IDNK: variants seen among roughly 807,000 people sequenced by gnomAD.
IDNK encodes the protein IDNK gluconokinase.
Under a neutral mutation model 13.0 loss-of-function variants are expected in IDNK, and 9 were observed. The ratio of observed to expected loss-of-function variants is 0.69; its 90% CI spans 0.42 to 1.21. The LOEUF is 1.21. Ranked by LOEUF, IDNK falls within the 50% of genes most tolerant of loss-of-function variation. The pLI, the probability that IDNK is intolerant of heterozygous loss-of-function variation, is 0.00. For synonymous variants in IDNK, 92 were observed against 94.9 expected, an observed-to-expected ratio of 0.97 and a Z score of 0.18; for missense variants, 210 against 237.8, an observed-to-expected ratio of 0.88 and a Z score of 0.77.
rs570003178 is a variant in IDNK, at chr9:83,628,975, T to C, written c.168+16T>C. 6.2e-7 allele frequency: 1 copy of C among 1,600,516 alleles called. No individual in the cohort carries two copies. Among genetic ancestry groups the C allele is most frequent in the South Asian group, 1.1e-5 (1 of 90,832 alleles). ...CAATGACCAGGTAACAATTGCTGTC[T>C]GTGTCCATCACACATATTCCACCTG... On this transcript the variant is annotated intron_variant, in intron 3 of 4. Transcript: ENST00000376419.
At chr9:83,623,759 C>T (rs765816340) in intron 1 of IDNK, among the ~76,000 whole-genome samples, 1 of 152,134 alleles carries the variant, frequency 6.6e-6, no homozygotes, top group Non-Finnish European at 1.5e-5. Context: ...AAGGAGACAG[C>T]GTTAATATGG....
intron 3 of IDNK, among the ~76,000 whole-genome samples, 158 bp downstream of exon 3, chr9:83,629,117 C>G (rs7866346): frequency 0.029 from 4,397 of 152,286 alleles, 221 homozygotes; most frequent in African/African-American, 0.099. Flanking sequence ...TATGTTAGCT[C>G]CAGTCCTGAA....
intron 3 of IDNK, among the ~76,000 whole-genome samples, chr9:83,631,504 C>A (rs1295397074): frequency 1.4e-5 from 2 of 147,962 alleles, no homozygotes; most frequent in Non-Finnish European, 3.0e-5. Flanking sequence ...CCCAGCTACT[C>A]GGGAGGCTAA....
chr9:83,640,753 G>A (rs1831281820), intron 3 of IDNK, among the ~76,000 whole-genome samples: 1 of 152,220 alleles, frequency 6.6e-6, no homozygotes, highest in Non-Finnish European at 1.5e-5. Flanking sequence ...GCTGAGGCAG[G>A]AGAATCGCTT....
intron 1 of IDNK, 167 bp from the exon 2 acceptor site, chr9:83,628,014 C>T: frequency 7.0e-7 from 1 of 1,433,712 alleles, no homozygotes; most frequent in Non-Finnish European, 9.2e-7. Context: ...CAGCTAAGGC[C>T]AGTCTCCAGA....
At chr9:83,629,369 C>G (rs924095786) in intron 3 of IDNK, among the ~76,000 whole-genome samples, 1 of 152,188 alleles carries the variant, frequency 6.6e-6, no homozygotes. Context: ...GAACTCAAAG[C>G]TGGCCATGTT....
chr9:83,623,444 G>C, intron 1 of IDNK: 2 of 537,580 alleles, frequency 3.7e-6, no homozygotes, highest in South Asian at 2.1e-5. Flanking sequence ...CCGGGTTCCC[G>C]CTCTAAGACG....
intron 3 of IDNK, among the ~76,000 whole-genome samples, chr9:83,630,961 C>G (rs1464224111): frequency 6.6e-6 from 1 of 152,002 alleles, no homozygotes; most frequent in Non-Finnish European, 1.5e-5. Flanking sequence ...ATAACCAAAA[C>G]AGAGAGATAA....
In IDNK at chr9:83,639,906, A is replaced by G. The variant is rs187726468; in HGVS notation, c.169-1642A>G. On this transcript the variant is annotated intron_variant, in intron 3 of 4. Transcript: ENST00000376419. Reference sequence around the variant, plus strand: ...ACAGCAAGTGTAACCTACAGATACGAACTGTGTTCAAGGTTCTGGAGGCCT... The same window carrying G: ...ACAGCAAGTGTAACCTACAGATACGGACTGTGTTCAAGGTTCTGGAGGCCT... Among the ~76,000 whole-genome samples, 641 of 152,354 alleles carry G rather than the reference A, an allele frequency of 4.2e-3. 1 individual carries two copies. The highest frequency in any genetic ancestry group is 6.1e-3 in the Admixed American group (93 of 15,304).
intron 1 of IDNK, among the ~76,000 whole-genome samples, chr9:83,627,798 C>T (rs1053336475): frequency 1.3e-5 from 2 of 148,658 alleles, no homozygotes; most frequent in South Asian, 2.1e-4. Context: ...CATCAGACCC[C>T]TCCATTCAAT....
intron 3 of IDNK, among the ~76,000 whole-genome samples, chr9:83,636,800 T>C (rs1464962085): frequency 1.3e-5 from 2 of 152,224 alleles, no homozygotes; most frequent in African/African-American, 4.8e-5. Context: ...TGAGTAAGGA[T>C]ACAGAAGATT....
chr9:83,631,293 A>G (rs1016708504), intron 3 of IDNK, among the ~76,000 whole-genome samples: 1 of 151,962 alleles, frequency 6.6e-6, no homozygotes, highest in African/African-American at 2.4e-5. Flanking sequence ...CAGTCTGTGT[A>G]GAACATGTTA....
Position 83,643,874 on chromosome 9 carries a change from T to C in IDNK, c.*94T>C, listed in dbSNP as rs553963908. 4 of 877,346 alleles carry C rather than the reference T, an allele frequency of 4.6e-6. No individual in the cohort carries two copies. Among genetic ancestry groups the C allele is most frequent in the Admixed American group, 2.8e-5 (1 of 36,136 alleles). The allele number at this position is 877,346 out of a possible 1,614,324, so 54.3% of individuals were successfully genotyped here. A position where few individuals can be genotyped will look rare whatever the true frequency, so the allele number is the denominator to read the frequency against. On this transcript the variant is annotated 3_prime_UTR_variant, in exon 5 of 5. Coordinates refer to ENST00000376419, the MANE Select transcript of IDNK (RefSeq NM_001001551.4). ...CAGCCGCCTTGCCCATACTAGATTC[T>C]AAATGTTTCTAAAGGCAAACCCCAA...
intron 4 of IDNK, 128 bp downstream of exon 4, chr9:83,641,719 C>T: frequency 1.1e-6 from 1 of 951,718 alleles, no homozygotes; most frequent in Non-Finnish European, 1.6e-6. Context: ...TAGAAACTGG[C>T]TGCACTTCTA....
intron 3 of IDNK, among the ~76,000 whole-genome samples, chr9:83,640,806 T>C (rs767552135): frequency 6.6e-6 from 1 of 152,166 alleles, no homozygotes; most frequent in Non-Finnish European, 1.5e-5. Flanking sequence ...GATCGTGCCA[T>C]TGCACTCCAG....
chr9:83,623,332 C>G (rs1417905312), intron 1 of IDNK, 111 bp downstream of exon 1: 1 of 1,021,208 alleles, frequency 9.8e-7, no homozygotes, highest in Non-Finnish European at 1.4e-6. Context: ...ACCCCCCACC[C>G]TTCCCTTTGC....
At chr9:83,638,781 A>G (rs1831226213) in intron 3 of IDNK, among the ~76,000 whole-genome samples, 1 of 152,220 alleles carries the variant, frequency 6.6e-6, no homozygotes, top group East Asian at 1.9e-4. Context: ...TTCTTCACCA[A>G]CTAAAAAAAT....
intron 1 of IDNK, among the ~76,000 whole-genome samples, chr9:83,626,070 T>C (rs892973855): frequency 3.9e-5 from 6 of 152,354 alleles, no homozygotes; most frequent in African/African-American, 1.2e-4. Flanking sequence ...TTTGAATATC[T>C]TTCTCATTGA....
upstream of IDNK, chr9:83,623,048 A>C: frequency 1.6e-6 from 1 of 614,958 alleles, no homozygotes; most frequent in Non-Finnish European, 2.5e-6. Flanking sequence ...GAAAACGGGG[A>C]GGGCGCAGAG....
Sources: allele counts gnomAD v4.1 joint callset (sites outside exome capture counted in the v4.1 genomes callset), GRCh38; gene constraint gnomAD v4.1.1; transcripts MANE v1.5; gene names NCBI Gene and HGNC (gene_info 2026-07-23, HGNC 2026-07-21).